TRPM7: variants seen among roughly 807,000 people sequenced by gnomAD.
TRPM7 encodes the protein transient receptor potential cation channel subfamily M member 7.
A neutral mutation model predicts 229.7 loss-of-function variants in TRPM7; 134 were observed. The ratio of observed to expected loss-of-function variants is 0.58; its 90% CI spans 0.51 to 0.67. The LOEUF (loss-of-function observed/expected upper bound fraction) is 0.67. TRPM7 is among the 30% of genes least tolerant of loss of function. The probability of loss-of-function intolerance (pLI) is 0.00; values close to 1 mark genes in which losing one functional copy is unlikely to be tolerated. For synonymous variants in TRPM7, 699 were observed against 715.2 expected, an observed-to-expected ratio of 0.98 and a Z score of 0.36; for missense variants, 1,901 against 2,210.0, an observed-to-expected ratio of 0.86 and a Z score of 2.80.
At chr15:50,583,375 G>C (rs1361539885) in intron 28 of TRPM7, among the ~76,000 whole-genome samples, 1 of 152,018 alleles carries the variant, frequency 6.6e-6, no homozygotes, top group Non-Finnish European at 1.5e-5. Flanking sequence ...AACAATAAAT[G>C]AGAGTATGAA....
chr15:50,578,627 A>C lies in TRPM7; in HGVS notation c.4618+12T>G. On this transcript the variant is annotated intron_variant, in intron 31 of 38. Coordinates refer to ENST00000646667, the MANE Select transcript of TRPM7 (RefSeq NM_017672.6). ...TCATTTTTTTCACGTTCAATCTACC[A>C]CACAGACTCACCATTTAATGTTCCT... is the stretch of plus-strand genomic sequence containing the variant. The C allele has an allele frequency of 6.2e-7, 1 of 1,610,158 alleles. No homozygotes were observed. The highest frequency in any genetic ancestry group is 1.1e-5 in the South Asian group (1 of 90,576).
intron 1 of TRPM7, among the ~76,000 whole-genome samples, chr15:50,680,233 CAAAAAATATAAAAA>C (rs1427565396): frequency 6.6e-6 from 1 of 150,830 alleles, no homozygotes; most frequent in Admixed American, 6.6e-5. Context: ...GACTCCATCT[CAAAAAATATAAAAA>C]TAAAAATAAA....
At position 50,609,928 on chromosome 15, in the gene TRPM7, A is replaced by G; in HGVS notation, c.2314T>C (p.Leu772=). ...GCCTTAGTTTTATACTCTAACAGCAATATGGCAGGTGGAACTAAAATGCTT... is the reference window on the plus strand; with the variant it reads ...GCCTTAGTTTTATACTCTAACAGCAGTATGGCAGGTGGAACTAAAATGCTT... ...ILSILVPPAI[L]LLEYKTKAEM... The change falls in exon 18 of 39, where the codon TTG becomes CTG. Residue 772 remains leucine, a synonymous_variant. Transcript: ENST00000646667. 1 of 1,609,378 alleles carries G rather than the reference A, an allele frequency of 6.2e-7. No individual in the cohort carries two copies. The highest frequency in any genetic ancestry group is 8.5e-7 in the Non-Finnish European group (1 of 1,177,804).
chr15:50,578,245 G>T (rs886074522), intron 31 of TRPM7, among the ~76,000 whole-genome samples: 1 of 152,212 alleles, frequency 6.6e-6, no homozygotes, highest in East Asian at 1.9e-4. Flanking sequence ...GCAGCAGTGG[G>T]ATGTATAGTG....
chr15:50,661,028 T>C (rs994695920), intron 2 of TRPM7, among the ~76,000 whole-genome samples: 1 of 151,276 alleles, frequency 6.6e-6, no homozygotes, highest in African/African-American at 2.4e-5. Flanking sequence ...CAGGCTGGAG[T>C]GCAGCAGTGT....
At chr15:50,626,494 A>G (rs2060563389) in intron 11 of TRPM7, among the ~76,000 whole-genome samples, 1 of 152,204 alleles carries the variant, frequency 6.6e-6, no homozygotes, top group South Asian at 2.1e-4. Flanking sequence ...GGCAAGCAAG[A>G]AGAAAGAAGA....
chr15:50,678,250 AACAAAAACAAAAAC>A (rs1376999064), intron 1 of TRPM7, among the ~76,000 whole-genome samples: 2 of 125,650 alleles, frequency 1.6e-5, no homozygotes, highest in Non-Finnish European at 3.5e-5. Flanking sequence ...AAAAAAAAAA[AACAAAAACAAAAAC>A]AAAAACAAAA....
Position 50,594,439 on chromosome 15 carries a change from G to A in TRPM7, c.3465C>T (p.Ser1155=), listed in dbSNP as rs746378293. 23 of 1,609,112 alleles carry A rather than the reference G, an allele frequency of 1.4e-5. No individual in the cohort carries two copies. The highest frequency in any genetic ancestry group is 1.3e-4 in the East Asian group (6 of 44,686). ...ATATAGTTTACTTACTTGGTCCATC[G>A]GAAGTCTTATCTTTCTTTCTTCTCT... is the stretch of plus-strand genomic sequence containing the variant. The part of the protein sequence containing the change: ...ICKRRKKDKT[S]DGPKLFLTEE... Residue 1155 remains serine, a synonymous_variant, in exon 24 of 39, where the codon TCC becomes TCT. Transcript: ENST00000646667.
chr15:50,657,747 C>T (rs555918745), intron 3 of TRPM7, 34 bp downstream of exon 3: 38 of 1,592,564 alleles, frequency 2.4e-5, no homozygotes, highest in Middle Eastern at 1.7e-4. Flanking sequence ...ATTTATTTTC[C>T]GAAATTTGTG....
intron 5 of TRPM7, among the ~76,000 whole-genome samples, chr15:50,642,296 G>A (rs1021711427): frequency 6.6e-6 from 1 of 152,158 alleles, no homozygotes; most frequent in Non-Finnish European, 1.5e-5. Context: ...AGGCTAAACA[G>A]TATAAGCTTT....
rs760996403 is a variant in TRPM7, at chr15:50,592,515, G to A, written c.3720C>T (p.Ala1240=). 2.5e-6 allele frequency: 4 copies of A among 1,613,878 alleles called. No homozygotes were observed. The highest frequency in any genetic ancestry group is 3.4e-6 in the Non-Finnish European group (4 of 1,180,012). The change falls in exon 26 of 39, where the codon GCC becomes GCT. Residue 1240 remains alanine (A), a synonymous_variant. Transcript: ENST00000646667. ...GTGTTTTTAATGTATCTACCGTCAG[G>A]GCTGAAAGATCTTGCAAATGGCCAA... ...SQIGHLQDLS[A]LTVDTLKTLT... is the part of the protein sequence containing the mutation.
At chr15:50,649,785 G>C (rs750762276) in intron 3 of TRPM7, among the ~76,000 whole-genome samples, 1 of 152,160 alleles carries the variant, frequency 6.6e-6, no homozygotes, top group Non-Finnish European at 1.5e-5. Flanking sequence ...AAAATCAGAT[G>C]AGAGTTTGAG....
rs1315123058 is a variant in TRPM7, at chr15:50,632,974, T to C, written c.1026A>G (p.Ala342=). ...TEEGGNLPDA[A]EPDIISTIKK... Reference sequence around the variant, plus strand: ...TGATAGTGGAAATAATATCGGGCTCTGCTGCATCAGGAAGATTCCTGGAAT... The same window carrying C: ...TGATAGTGGAAATAATATCGGGCTCCGCTGCATCAGGAAGATTCCTGGAAT... The change falls in exon 9 of 39, where the codon GCA becomes GCG. Residue 342 remains alanine (A), a synonymous_variant. Coordinates refer to ENST00000646667, the MANE Select transcript of TRPM7 (RefSeq NM_017672.6). 2.5e-6 allele frequency: 4 copies of C among 1,588,776 alleles called. No individual in the cohort carries two copies. The highest frequency in any genetic ancestry group is 3.4e-6 in the Non-Finnish European group (4 of 1,173,226).
At chr15:50,650,990 C>T (rs533300442) in intron 3 of TRPM7, among the ~76,000 whole-genome samples, 14 of 152,032 alleles carry the variant, frequency 9.2e-5, no homozygotes, top group African/African-American at 3.4e-4. Context: ...GGAGTTTAGA[C>T]CAGCCCGGGC....
intron 8 of TRPM7, among the ~76,000 whole-genome samples, chr15:50,633,988 A>C (rs1465192515): frequency 3.9e-5 from 6 of 152,230 alleles, no homozygotes; most frequent in African/African-American, 1.2e-4. Context: ...GAGGAATCCA[A>C]CACTGTATTC....
chr15:50,678,514 AAAAATATATAT>A (rs1567127728), intron 1 of TRPM7, among the ~76,000 whole-genome samples: 1 of 79,396 alleles, frequency 1.3e-5, no homozygotes, highest in African/African-American at 3.9e-5. Flanking sequence ...TTTAAAAAAA[AAAAATATATAT>A]ATATATATAT....
intron 36 of TRPM7, among the ~76,000 whole-genome samples, chr15:50,573,194 G>A (rs1050892366): frequency 2.6e-5 from 4 of 151,838 alleles, no homozygotes; most frequent in African/African-American, 7.3e-5. Flanking sequence ...AATCTACTTC[G>A]CCTCCCCTTG....
chr15:50,668,804 G>A (rs28842528), intron 1 of TRPM7, among the ~76,000 whole-genome samples: 3,269 of 152,012 alleles, frequency 0.022, 114 homozygotes, highest in African/African-American at 0.076. Context: ...CACCATGCCT[G>A]GCCTACAATA....
intron 38 of TRPM7, among the ~76,000 whole-genome samples, chr15:50,562,600 T>A (rs2053366253): frequency 6.6e-6 from 1 of 151,942 alleles, no homozygotes; most frequent in Non-Finnish European, 1.5e-5. Context: ...TGAAGTCTCT[T>A]GTCTCTACAA....
Sources: gnomAD v4.1 joint callset for allele counts (sites outside exome capture counted in the v4.1 genomes callset) on GRCh38, gnomAD v4.1.1 for gene constraint, MANE v1.5 for transcripts, NCBI Gene and HGNC (gene_info 2026-07-23, HGNC 2026-07-21) for gene names.